TIA1: variants seen among roughly 807,000 people sequenced by gnomAD.
The protein encoded by TIA1 is cytotoxic granule associated RNA binding protein TIA1.
A neutral mutation model predicts 65.9 loss-of-function variants in TIA1; 23 were observed. The ratio of observed to expected loss-of-function variants is 0.35; its 90% CI spans 0.25 to 0.49. The LOEUF is 0.49. Ranked by LOEUF, TIA1 falls within the 20% of genes least tolerant of loss-of-function variation. The pLI is 0.98. For synonymous variants in TIA1, 147 were observed against 149.4 expected (o/e 0.98, Z 0.12); for missense variants, 371 against 477.9 (o/e 0.78, Z 2.09).
intron 3 of TIA1, among the ~76,000 whole-genome samples, chr2:70,229,802 A>G (rs1573515060): frequency 6.6e-6 from 1 of 152,036 alleles, no homozygotes; most frequent in East Asian, 1.9e-4. Flanking sequence ...GCTGGGCATG[A>G]TGGTGGGTGC....
Position 70,214,412 on chromosome 2 carries a change from G to C in TIA1, c.971C>G (p.Pro324Arg), listed in dbSNP as rs767406040. ...ATATGCAGGAACTTGCCAACCATTA[G>C]GCATATACTGGCCAATTTGTTGTGC... The part of the protein sequence containing the change: ...GNAQQIGQYM[P>R]NGWQVPAYGM... Residue 324 changes from proline (P) to arginine (R), a missense_variant, in exon 12 of 13, where the codon CCT becomes CGT. Coordinates refer to ENST00000433529, the MANE Select transcript of TIA1 (RefSeq NM_022173.4). 3.1e-6 allele frequency: 5 copies of C among 1,613,770 alleles called. No homozygotes were observed. Among genetic ancestry groups the C allele is most frequent in the African/African-American group, 2.7e-5 (2 of 74,896 alleles).
intron 6 of TIA1, chr2:70,225,465 C>T: frequency 1.6e-6 from 2 of 1,272,300 alleles, no homozygotes; most frequent in East Asian, 5.7e-5. Context: ...AACTCCATAC[C>T]TCAAAAAATT....
chr2:70,240,274 A>G, intron 1 of TIA1, among the ~76,000 whole-genome samples: 1 of 152,216 alleles, frequency 6.6e-6, no homozygotes, highest in Non-Finnish European at 1.5e-5. Flanking sequence ...ATTTACATAA[A>G]AAAGTCTAAC....
At chr2:70,232,674 G>A (rs2104498382) in intron 2 of TIA1, among the ~76,000 whole-genome samples, 1 of 151,150 alleles carries the variant, frequency 6.6e-6, no homozygotes, top group African/African-American at 2.4e-5. Context: ...TTCGAGACTA[G>A]CCTGGCCAAA....
chr2:70,245,650 T>G (rs1693953594), intron 1 of TIA1, among the ~76,000 whole-genome samples: 1 of 152,228 alleles, frequency 6.6e-6, no homozygotes, highest in Non-Finnish European at 1.5e-5. Context: ...TTTGAACTTA[T>G]TAACTGTACC....
chr2:70,234,795 C>T (rs537421208), intron 2 of TIA1, among the ~76,000 whole-genome samples: 1 of 152,130 alleles, frequency 6.6e-6, no homozygotes, highest in East Asian at 1.9e-4. Context: ...CTCCTGACCT[C>T]ATGATCTGCC....
intron 2 of TIA1, among the ~76,000 whole-genome samples, chr2:70,232,590 C>T (rs191549242): frequency 2.5e-4 from 37 of 146,392 alleles, no homozygotes; most frequent in Admixed American, 1.2e-3. Context: ...TTCCCTTGGC[C>T]GGGCACAGTA....
chr2:70,214,328 G>A (rs1220873231), intron 12 of TIA1, 21 bp downstream of exon 12: 3 of 1,595,046 alleles, frequency 1.9e-6, no homozygotes, highest in Non-Finnish European at 2.6e-6. Flanking sequence ...GTTAGTAAAG[G>A]AAGACATAAG....
rs1678566768 is a variant in TIA1, at chr2:70,216,190, T to A, written c.764+18A>T. The A allele has an allele frequency of 2.0e-6, 3 of 1,526,466 alleles. No individual in the cohort carries two copies. Among genetic ancestry groups the A allele is most frequent in the South Asian group, 2.6e-5 (2 of 76,862 alleles). The allele number at this position is 1,526,466 out of a possible 1,614,324, so 94.6% of individuals were successfully genotyped here. A position where few individuals can be genotyped will look rare whatever the true frequency, so the allele number is the denominator to read the frequency against. ...TTACATTACCAAGAAAAATGTTTTT[T>A]TAAAAAACCATCCCTACCGAACAAA... On this transcript the variant is annotated intron_variant, in intron 10 of 12. Coordinates refer to ENST00000433529, the MANE Select transcript of TIA1 (RefSeq NM_022173.4).
intron 1 of TIA1, among the ~76,000 whole-genome samples, chr2:70,244,673 C>G (rs1378650800): frequency 3.3e-5 from 5 of 151,396 alleles, no homozygotes; most frequent in African/African-American, 7.3e-5. Flanking sequence ...GTCTCTACTA[C>G]AAATACAAAA....
intron 2 of TIA1, among the ~76,000 whole-genome samples, chr2:70,231,147 C>T (rs1036371357): frequency 1.3e-5 from 2 of 151,808 alleles, no homozygotes; most frequent in South Asian, 4.2e-4. Context: ...AAAAAAAATA[C>T]AAAAATTAAC....
intron 7 of TIA1, among the ~76,000 whole-genome samples, chr2:70,220,154 T>C (rs998955407): frequency 7.2e-5 from 11 of 152,126 alleles, no homozygotes; most frequent in African/African-American, 2.4e-4. Context: ...CTCACACTTA[T>C]AATCCCAGCA....
intron 1 of TIA1, among the ~76,000 whole-genome samples, chr2:70,238,845 G>C (rs539511687): frequency 6.6e-6 from 1 of 152,048 alleles, no homozygotes; most frequent in African/African-American, 2.4e-5. Context: ...TAGCCAAGGA[G>C]TTCAAGATCA....
At position 70,227,715 on chromosome 2, in the gene TIA1, A is replaced by G. The variant is rs763444203; in HGVS notation, c.398+20T>C. 2.7e-6 allele frequency: 4 copies of G among 1,499,738 alleles called. No homozygotes were observed. Among genetic ancestry groups the G allele is most frequent in the South Asian group, 2.5e-5 (2 of 80,248 alleles). 92.9% of individuals were successfully genotyped at this position (1,499,738 alleles called of 1,614,324 possible). On this transcript the variant is annotated intron_variant, in intron 6 of 12. Coordinates refer to ENST00000433529, the MANE Select transcript of TIA1 (RefSeq NM_022173.4). Reference sequence around the variant, plus strand: ...AATTGTTTCTAATTAAAAGGATTTTATTTATCTTCTGTTACTTACGATATT... The same window carrying G: ...AATTGTTTCTAATTAAAAGGATTTTGTTTATCTTCTGTTACTTACGATATT...
intron 1 of TIA1, among the ~76,000 whole-genome samples, chr2:70,240,643 C>T (rs1442376447): frequency 1.3e-5 from 2 of 152,088 alleles, no homozygotes; most frequent in East Asian, 3.9e-4. Flanking sequence ...CCGAGGTAGG[C>T]AGTTCACTTG....
intron 1 of TIA1, among the ~76,000 whole-genome samples, chr2:70,236,496 G>GTT (rs372445208): frequency 6.8e-6 from 1 of 146,464 alleles, no homozygotes; most frequent in African/African-American, 2.5e-5. Context: ...ACTGCACCCG[G>GTT]TTTTTTTTTT....
chr2:70,244,608 G>A lies in TIA1; in HGVS notation c.26+3797C>T, dbSNP rs543859857. Among the ~76,000 whole-genome samples the A allele has an allele frequency of 3.7e-3, 558 of 152,064 alleles. 3 individuals are homozygous for A. The highest frequency in any genetic ancestry group is 0.013 in the African/African-American group (535 of 41,428). The stretch of plus-strand genomic sequence containing the variant: ...CCCAGCACTTTGGGAGGCTGAGGCA[G>A]GCGGATCGCGAGGTCAGGAGATCGA... On this transcript the variant is annotated intron_variant, in intron 1 of 12. Coordinates refer to ENST00000433529, the MANE Select transcript of TIA1 (RefSeq NM_022173.4).
intron 1 of TIA1, among the ~76,000 whole-genome samples, chr2:70,242,592 C>T (rs1456444077): frequency 6.7e-6 from 1 of 148,636 alleles, no homozygotes; most frequent in African/African-American, 2.5e-5. Context: ...ATAATAAATT[C>T]CATAAGAGGT....
At chr2:70,227,890 C>T in intron 5 of TIA1, 68 bp from the exon 6 acceptor site, 1 of 1,054,668 alleles carries the variant, frequency 9.5e-7, no homozygotes, top group Non-Finnish European at 1.4e-6. Flanking sequence ...GTACTAAAAT[C>T]TATCCAATAA....
Sources: gnomAD v4.1 joint callset for allele counts (sites outside exome capture counted in the v4.1 genomes callset) on GRCh38, gnomAD v4.1.1 for gene constraint, MANE v1.5 for transcripts, NCBI Gene and HGNC (gene_info 2026-07-23, HGNC 2026-07-21) for gene names.